Variants in TIAM1 observed in about 807,000 individuals in gnomAD.
TIAM1 encodes rho guanine nucleotide exchange factor TIAM1.
A neutral mutation model predicts 163.5 loss-of-function variants in TIAM1; 65 were observed. The observed-to-expected ratio is 0.40, with a 90% confidence interval of 0.33 to 0.49. The LOEUF is 0.49. TIAM1 is among the 20% of genes least tolerant of loss of function. The pLI is 0.77. For synonymous variants in TIAM1, 833 were observed against 810.1 expected (o/e 1.03, Z -0.48); for missense variants, 1,789 against 2,044.7 (o/e 0.87, Z 2.41).
At position 31,231,918 on chromosome 21, in the gene TIAM1, C is replaced by T. The variant is rs900066467; in HGVS notation, c.1585-5968G>A. The stretch of plus-strand genomic sequence containing the variant: ...GTCCTAGCTACTCGGGAGGCTGAGG[C>T]ACAAAATCGCTTGAACCCGGGAGGC... On this transcript the variant is annotated intron_variant, in intron 6 of 27. Transcript: ENST00000541036. 5.3e-5 allele frequency among the ~76,000 whole-genome samples: 8 copies of T among 151,994 alleles called. No homozygotes were observed. In the South Asian group the frequency reaches 1.7e-3, roughly 32 times the overall value.
At chr21:31,394,726 T>TCA (rs1166298815) in intron 2 of TIAM1, among the ~76,000 whole-genome samples, 80 of 81,650 alleles carry the variant, frequency 9.8e-4, no homozygotes, top group East Asian at 3.9e-3. Flanking sequence ...TCTCTCTCTC[T>TCA]CTCACACACA....
intron 2 of TIAM1, among the ~76,000 whole-genome samples, chr21:31,361,910 A>G (rs1242355336): frequency 6.6e-6 from 1 of 152,160 alleles, no homozygotes; most frequent in Non-Finnish European, 1.5e-5. Context: ...TGGTATGTAT[A>G]CATATACACA....
intron 1 of TIAM1, among the ~76,000 whole-genome samples, chr21:31,489,988 A>G (rs183349636): frequency 1.2e-3 from 187 of 152,322 alleles, no homozygotes; most frequent in African/African-American, 4.2e-3. Context: ...AGTTTGTTCT[A>G]GGAAAAAAAA....
intron 1 of TIAM1, among the ~76,000 whole-genome samples, chr21:31,555,060 T>C (rs1280741166): frequency 2.0e-5 from 3 of 152,192 alleles, no homozygotes; most frequent in Non-Finnish European, 4.4e-5. Context: ...CCTTTTACAC[T>C]AGAACATTGT....
chr21:31,418,718 T>C (rs1244618762), intron 2 of TIAM1, among the ~76,000 whole-genome samples: 3 of 152,124 alleles, frequency 2.0e-5, no homozygotes, highest in African/African-American at 7.2e-5. Flanking sequence ...AACCTTCTCT[T>C]GGGAGCTCCC....
upstream of TIAM1, among the ~76,000 whole-genome samples, chr21:31,346,041 CATT>C (rs2076141819): frequency 2.6e-5 from 4 of 152,048 alleles, no homozygotes; most frequent in East Asian, 7.7e-4. Flanking sequence ...CTCCGGGGAA[CATT>C]TGGCAATATC....
At chr21:31,270,563 A>G (rs2073010638) in intron 3 of TIAM1, among the ~76,000 whole-genome samples, 1 of 152,214 alleles carries the variant, frequency 6.6e-6, no homozygotes, top group South Asian at 2.1e-4. Flanking sequence ...ACAACTCTCC[A>G]TATTCAAACC....
intron 1 of TIAM1, among the ~76,000 whole-genome samples, chr21:31,558,690 G>T (rs907034831): frequency 1.3e-5 from 2 of 152,068 alleles, no homozygotes; most frequent in African/African-American, 4.8e-5. Context: ...TTCGCGCGAG[G>T]GATGCCTCCT....
intron 2 of TIAM1, among the ~76,000 whole-genome samples, chr21:31,423,225 A>T (rs182642744): frequency 7.3e-4 from 109 of 149,970 alleles, no homozygotes; most frequent in Non-Finnish European, 1.4e-3. Flanking sequence ...CAGTCTCCCG[A>T]GTAGCTGGGA....
At chr21:31,423,090 CTTTTTTTT>C (rs11356685) in intron 2 of TIAM1, among the ~76,000 whole-genome samples, 10 of 54,618 alleles carry the variant, frequency 1.8e-4, no homozygotes, top group African/African-American at 4.2e-4. Context: ...ACAGCACTAT[CTTTTTTTT>C]TTTTTTTTTT....
chr21:31,352,291 C>G (rs2076247175), intron 2 of TIAM1, among the ~76,000 whole-genome samples: 1 of 151,956 alleles, frequency 6.6e-6, no homozygotes, highest in Non-Finnish European at 1.5e-5. Flanking sequence ...ATGGATGAAC[C>G]TTCAAAATAT....
Position 31,120,728 on chromosome 21 carries a change from C to A in TIAM1, c.4416G>T (p.Gln1472His). The change falls in exon 28 of 28, where the codon CAG becomes CAT. Residue 1472 changes from glutamine (Q) to histidine (H), a missense_variant. Around this residue, in one of 5 missense-constraint regions of TIAM1, gnomAD observed 415 missense variants for 439.2 expected, o/e 0.94. Transcript: ENST00000541036. This position sits in a 1 kb window ranked among gnomAD's most constrained non-coding sequence, Gnocchi z 4.2. ...CAGTGTCCCCACCACCGGGGGGCTG[C>A]TGGGACTCTTTCTCCGGGCTGCTTG... ...VSASSPEKES[Q>H]QPPGGGDTDR... 6.2e-7 allele frequency: 1 copy of A among 1,614,078 alleles called. No homozygotes were observed. Among genetic ancestry groups the A allele is most frequent in the Non-Finnish European group, 8.5e-7 (1 of 1,180,006 alleles).
intron 1 of TIAM1, among the ~76,000 whole-genome samples, chr21:31,488,816 G>A (rs928337767): frequency 6.6e-6 from 1 of 151,878 alleles, no homozygotes; most frequent in Non-Finnish European, 1.5e-5. Flanking sequence ...AATCTTATCC[G>A]GAAGGGAGAG....
intron 6 of TIAM1, among the ~76,000 whole-genome samples, chr21:31,226,957 T>C (rs1017127922): frequency 5.8e-5 from 8 of 138,516 alleles, no homozygotes; most frequent in African/African-American, 2.5e-4. Context: ...TCTGTGTTTT[T>C]TTTTTTTTTT....
At chr21:31,414,476 C>T (rs1265540573) in intron 2 of TIAM1, among the ~76,000 whole-genome samples, 1 of 152,146 alleles carries the variant, frequency 6.6e-6, no homozygotes, top group Non-Finnish European at 1.5e-5. Context: ...ATTCCAGGGG[C>T]CAGTGGCAGA....
intron 5 of TIAM1, 22 bp from the exon 6 acceptor site, chr21:31,245,682 G>A: frequency 2.0e-6 from 3 of 1,490,308 alleles, no homozygotes; most frequent in East Asian, 2.5e-5. Flanking sequence ...GAACAGGGGT[G>A]TGCATGAGTA....
chr21:31,438,907 C>A (rs1022299314), intron 2 of TIAM1, among the ~76,000 whole-genome samples: 1 of 152,226 alleles, frequency 6.6e-6, no homozygotes, highest in African/African-American at 2.4e-5. Context: ...TGTCTATCTC[C>A]TAGAAGGCAG....
At chr21:31,385,887 A>ATAATTAATTAGTTGATG (rs1202048849) in intron 2 of TIAM1, among the ~76,000 whole-genome samples, 2 of 146,364 alleles carry the variant, frequency 1.4e-5, no homozygotes, top group South Asian at 2.1e-4. Context: ...ATTAGTTAAT[A>ATAATTAATTAGTTGATG]TAATTATATT....
intron 2 of TIAM1, among the ~76,000 whole-genome samples, chr21:31,447,559 T>A (rs540147325): frequency 1.4e-4 from 22 of 152,176 alleles, no homozygotes; most frequent in South Asian, 8.3e-4. Context: ...AGGAAAAATA[T>A]GAGAGTGATC....
Sources: gnomAD v4.1 joint callset for allele counts (sites outside exome capture counted in the v4.1 genomes callset) on GRCh38, gnomAD v4.1.1 for gene constraint, gnomAD v4.1.1 regional missense constraint, Gnocchi (gnomAD v3.1) non-coding constraint, MANE v1.5 for transcripts, NCBI Gene and HGNC (gene_info 2026-07-23, HGNC 2026-07-21) for gene names.